Variants in CNPY3 observed in about 807,000 individuals in gnomAD.
CNPY3 encodes canopy FGF signaling regulator 3, also known as protein canopy homolog 3.
Under a neutral mutation model 32.0 loss-of-function variants are expected in CNPY3, and 20 were observed. The observed-to-expected ratio is 0.63, with a 90% confidence interval of 0.44 to 0.91. The LOEUF (loss-of-function observed/expected upper bound fraction) is 0.91, where lower values mean the gene tolerates loss of function less well. Among genes scored for constraint, CNPY3 ranks in the 40% least tolerant of loss-of-function variants. The probability of loss-of-function intolerance (pLI) is 0.00; values close to 1 mark genes in which losing one functional copy is unlikely to be tolerated. For missense variants in CNPY3, 299 were observed against 340.8 expected, an observed-to-expected ratio of 0.88 and a Z score of 0.97; for synonymous variants, 138 against 142.9, an observed-to-expected ratio of 0.97 and a Z score of 0.24.
chr6:42,929,817 C>G, intron 1 of CNPY3, 96 bp downstream of exon 1: 2 of 1,373,808 alleles, frequency 1.5e-6, no homozygotes, highest in Non-Finnish European at 1.9e-6. Flanking sequence ...AGGTTCCGAG[C>G]TCTGCAGGGT....
Position 42,936,804 on chromosome 6 carries a change from G to C in CNPY3, c.373-913G>C, listed in dbSNP as rs1768270034. ...GCCCACCTTGGCCTCTCAAAGTGCT[G>C]GGATTACAGGCATGAGCCACTGCAC... On this transcript the variant is annotated intron_variant, in intron 3 of 5. Transcript: ENST00000372836. 2.0e-5 allele frequency among the ~76,000 whole-genome samples: 3 copies of C among 152,262 alleles called. No individual in the cohort carries two copies. The South Asian group carries it at 6.2e-4, about 32-fold the overall frequency.
At chr6:42,938,340 G>A in intron 5 of CNPY3, 133 bp downstream of exon 5, 1 of 830,190 alleles carries the variant, frequency 1.2e-6, no homozygotes, top group Non-Finnish European at 2.1e-6. Flanking sequence ...GGCTTGATTG[G>A]CAAGACATGG....
At position 42,929,619 on chromosome 6, in the gene CNPY3, TTGCTGC is replaced by T. The variant is rs570105218; in HGVS notation, c.71_76del (p.Leu24_Leu25del). ...GTCCCGCTGTCTTCTGCTTCTTCCCTTGCTGCTGCTGCTGCTGCTGCTGCTGCCGGC... is the reference window on the plus strand; with the variant it reads ...GTCCCGCTGTCTTCTGCTTCTTCCCTTGCTGCTGCTGCTGCTGCTGCCGGC... On this transcript the variant is annotated inframe_deletion, in exon 1 of 6. Transcript: ENST00000372836. The T allele has an allele frequency of 5.1e-4, 792 of 1,560,294 alleles. No individual in the cohort carries two copies. The highest frequency in any genetic ancestry group is 6.5e-4 in the Non-Finnish European group (751 of 1,153,056).
At chr6:42,928,803 C>T (rs1053711754), upstream of CNPY3, among the ~76,000 whole-genome samples, 1 of 152,168 alleles carries the variant, frequency 6.6e-6, no homozygotes, top group African/African-American at 2.4e-5. Context: ...GCTCGATAAG[C>T]TTTAATTCTA....
At chr6:42,928,446 T>TTTC (rs201290500), upstream of CNPY3, among the ~76,000 whole-genome samples, 5 of 151,700 alleles carry the variant, frequency 3.3e-5, no homozygotes, top group South Asian at 2.1e-4. Flanking sequence ...GCCTGGCCTT[T>TTTC]TTCTTCTTCT....
rs1344887840 is a variant in CNPY3 at position 42,937,847 on chromosome 6, C to T, written c.495+8C>T. ...GCTGACCTCAAGAAGCAGGTACAGG[C>T]CCTTCAGCCCTTGGAAGGGTTGCTG... On this transcript the variant is annotated splice_region_variant and intron_variant, in intron 4 of 5. Transcript: ENST00000372836. 2 of 1,613,856 alleles carry T rather than the reference C, an allele frequency of 1.2e-6. No individual in the cohort carries two copies. Among genetic ancestry groups the T allele is most frequent in the Non-Finnish European group, 1.7e-6 (2 of 1,179,962 alleles).
Position 42,929,757 on chromosome 6 carries a change from G to C in CNPY3, c.151+36G>C, listed in dbSNP as rs988231173. Reference sequence around the variant, plus strand: ...GGGGCCCGTGGGGCGTATCCTGCCGGAGGGGCTGGCTCCAGCGGTGGTGCT... The same window carrying C: ...GGGGCCCGTGGGGCGTATCCTGCCGCAGGGGCTGGCTCCAGCGGTGGTGCT... On this transcript the variant is annotated intron_variant, in intron 1 of 5. Transcript: ENST00000372836. 5.2e-6 allele frequency: 8 copies of C among 1,528,542 alleles called. No homozygotes were observed. In the East Asian group the frequency reaches 7.4e-5, roughly 14 times the overall value. The allele number at this position is 1,528,542 out of a possible 1,614,324, so 94.7% of individuals were successfully genotyped here.
chr6:42,931,290 G>A (rs568615830), intron 1 of CNPY3, among the ~76,000 whole-genome samples: 8 of 149,406 alleles, frequency 5.4e-5, no homozygotes, highest in South Asian at 4.2e-4. Flanking sequence ...GCAGTGGCGC[G>A]ATCTTGGCTC....
chr6:42,931,276 G>T (rs1767791297), intron 1 of CNPY3, among the ~76,000 whole-genome samples: 1 of 149,904 alleles, frequency 6.7e-6, no homozygotes, highest in Admixed American at 6.7e-5. Flanking sequence ...GCCCAGGCTG[G>T]AATGCAGTGG....
chr6:42,929,135 G>T (rs1767549424), upstream of CNPY3: 1 of 160,990 alleles, frequency 6.2e-6, no homozygotes, highest in Non-Finnish European at 1.4e-5. Context: ...AGAAAGCCGC[G>T]AAGACGGCCT....
chr6:42,939,052 T>G lies in CNPY3; in HGVS notation c.*261T>G. 1 of 1,264,210 alleles carries G rather than the reference T, an allele frequency of 7.9e-7. No homozygotes were observed. Among genetic ancestry groups the G allele is most frequent in the Non-Finnish European group, 1.0e-6 (1 of 1,002,696 alleles). 78.3% of individuals were successfully genotyped at this position (1,264,210 alleles called of 1,614,324 possible). On this transcript the variant is annotated 3_prime_UTR_variant, in exon 6 of 6. Transcript: ENST00000372836. ...CTTGTGGTTTCAGGACTGCAAGGAC[T>G]CCAGTGTGAACTCAGGAGGGGCAGG...
Position 42,929,611 on chromosome 6 carries a change from T to G in CNPY3, c.41T>G (p.Leu14Arg). ...GAGCCCGCGTCCCGCTGTCTTCTGC[T>G]TCTTCCCTTGCTGCTGCTGCTGCTG... is the stretch of plus-strand genomic sequence containing the variant. The part of the protein sequence containing the change: ...MPEPASRCLL[L>R]LPLLLLLLLL... Residue 14 changes from leucine (L) to arginine (R), a missense_variant, in exon 1 of 6, where the codon CTT (leucine) becomes CGT (arginine). Physicochemically the swap from Leu to Arg is moderately radical, Grantham distance 102. Around this residue, in one of 2 missense-constraint regions of CNPY3, gnomAD observed 88 missense variants for 62.5 expected, o/e 1.41. Coordinates refer to ENST00000372836, the MANE Select transcript of CNPY3 (RefSeq NM_006586.5). 1 of 1,569,342 alleles carries G rather than the reference T, an allele frequency of 6.4e-7. No homozygotes were observed. Among genetic ancestry groups the G allele is most frequent in the Non-Finnish European group, 8.6e-7 (1 of 1,157,956 alleles).
At chr6:42,937,261 G>A (rs1241715375) in intron 3 of CNPY3, among the ~76,000 whole-genome samples, 4 of 152,262 alleles carry the variant, frequency 2.6e-5, no homozygotes, top group African/African-American at 9.6e-5. Flanking sequence ...GGGGGTATAT[G>A]TGCAGGGGTT....
At chr6:42,938,439 AGGAGGCAG>A in intron 5 of CNPY3, 121 bp from the exon 6 acceptor site, 1 of 938,214 alleles carries the variant, frequency 1.1e-6, no homozygotes, top group Non-Finnish European at 1.6e-6. Flanking sequence ...AGCGAGAGGC[AGGAGGCAG>A]GGAGGCTGAT....
At chr6:42,932,397 A>G (rs1767894441) in intron 1 of CNPY3, among the ~76,000 whole-genome samples, 1 of 152,146 alleles carries the variant, frequency 6.6e-6, no homozygotes, top group South Asian at 2.1e-4. Flanking sequence ...GCACAGAGGA[A>G]GGAGAACCTG....
intron 2 of CNPY3, 21 bp downstream of exon 2, chr6:42,934,619 TG>T (rs1768082746): frequency 6.2e-7 from 1 of 1,612,972 alleles, no homozygotes; most frequent in Admixed American, 1.7e-5. Context: ...GGGGACTCAC[TG>T]GCCTGGCCTG....
chr6:42,935,224 G>T (rs545804378), intron 2 of CNPY3, among the ~76,000 whole-genome samples: 1 of 152,128 alleles, frequency 6.6e-6, no homozygotes, highest in South Asian at 2.1e-4. Context: ...ATTTTGCTAG[G>T]TACAAATATA....
intron 5 of CNPY3, 67 bp downstream of exon 5, chr6:42,938,274 G>T (rs1768374477): frequency 3.2e-6 from 4 of 1,244,506 alleles, no homozygotes; most frequent in Non-Finnish European, 4.7e-6. Flanking sequence ...GGGGGAGGTG[G>T]GTAGGAGGAG....
chr6:42,929,664 C>T lies in CNPY3; in HGVS notation c.94C>T (p.Pro32Ser). 1 of 1,552,296 alleles carries T rather than the reference C, an allele frequency of 6.4e-7. No individual in the cohort carries two copies. The highest frequency in any genetic ancestry group is 8.7e-7 in the Non-Finnish European group (1 of 1,148,290). The change falls in exon 1 of 6, where the codon CCG becomes TCG. Residue 32 changes from proline to serine, a missense_variant. Coordinates refer to ENST00000372836, the MANE Select transcript of CNPY3 (RefSeq NM_006586.5). ...GCTGCTGCCGGCCCCGGAGCTGGGC[C>T]CGAGCCAGGCCGGAGCTGAGGAGAA... The part of the protein sequence containing the change: ...LLLLPAPELG[P>S]SQAGAEENDW...
Sources: allele counts gnomAD v4.1 joint callset (sites outside exome capture counted in the v4.1 genomes callset), GRCh38; gene constraint gnomAD v4.1.1; regional missense constraint gnomAD v4.1.1; transcripts MANE v1.5; gene names NCBI Gene and HGNC (gene_info 2026-07-23, HGNC 2026-07-21).